The following ASZ1 variants were observed in gnomAD, a reference collection of about 807,000 sequenced individuals.
ASZ1 encodes the protein ankyrin repeat, SAM and basic leucine zipper domain-containing protein 1.
ASZ1 carries 67 observed loss-of-function variants against 61.8 expected under a neutral mutation model. The observed-to-expected ratio is 1.08, with a 90% confidence interval of 0.89 to 1.33. The LOEUF is 1.33. ASZ1 is among the 40% of genes most tolerant of loss of function. The probability of loss-of-function intolerance (pLI) is 0.00; values close to 1 mark genes in which losing one functional copy is unlikely to be tolerated. For synonymous variants in ASZ1, 193 were observed against 192.7 expected (o/e 1.00, Z -0.01); for missense variants, 577 against 554.5 (o/e 1.04, Z -0.41).
chr7:117,401,193 A>T (rs1796673583), intron 4 of ASZ1, among the ~76,000 whole-genome samples: 1 of 152,194 alleles, frequency 6.6e-6, no homozygotes, highest in South Asian at 2.1e-4. Flanking sequence ...GTTAAGAAAC[A>T]AATGGGATAT....
At chr7:117,406,502 C>T (rs1025284657) in intron 4 of ASZ1, among the ~76,000 whole-genome samples, 1 of 151,982 alleles carries the variant, frequency 6.6e-6, no homozygotes, top group Non-Finnish European at 1.5e-5. Flanking sequence ...TTCTATAATC[C>T]CAGCACTTTG....
At chr7:117,406,220 T>C (rs1262928494) in intron 4 of ASZ1, among the ~76,000 whole-genome samples, 1 of 152,056 alleles carries the variant, frequency 6.6e-6, no homozygotes, top group Non-Finnish European at 1.5e-5. Flanking sequence ...AAAATAACTT[T>C]CAAAAATGAA....
intron 12 of ASZ1, among the ~76,000 whole-genome samples, chr7:117,365,123 T>G (rs1466742654): frequency 6.6e-6 from 1 of 152,154 alleles, no homozygotes; most frequent in Non-Finnish European, 1.5e-5. Flanking sequence ...CAAATCTCAT[T>G]ATGATGATTA....
chr7:117,422,302 C>A lies in ASZ1; in HGVS notation c.263G>T (p.Ser88Ile), dbSNP rs774207077. 1 of 1,613,820 alleles carries A rather than the reference C, an allele frequency of 6.2e-7. No homozygotes were observed. The highest frequency in any genetic ancestry group is 1.1e-5 in the South Asian group (1 of 91,062). Residue 88 changes from serine to isoleucine, a missense_variant, in exon 3 of 13, where the codon AGT becomes ATT. Ser to Ile is a moderately radical substitution (Grantham distance 142). Coordinates refer to ENST00000284629, the MANE Select transcript of ASZ1 (RefSeq NM_130768.3). ...YGWTPLMYAA[S>I]VANAELVRVL... ...CCGAACCAGCTCTGCATTGGCAACA[C>A]TAGCAGCATACATAAGGGGAGTCCA...
At chr7:117,373,405 T>C (rs1280704430) in intron 10 of ASZ1, among the ~76,000 whole-genome samples, 1 of 152,144 alleles carries the variant, frequency 6.6e-6, no homozygotes, top group East Asian at 1.9e-4. Context: ...GCAAACATAC[T>C]AAGTCAGAAA....
intron 4 of ASZ1, among the ~76,000 whole-genome samples, chr7:117,411,014 A>G (rs1796880050): frequency 6.6e-6 from 1 of 151,706 alleles, no homozygotes; most frequent in Non-Finnish European, 1.5e-5. Flanking sequence ...TAGAAATAGT[A>G]ATTTCCTACC....
At position 117,363,387 on chromosome 7, in the gene ASZ1, C is replaced by G. The variant is rs970735692; in HGVS notation, c.*209G>C. The G allele has an allele frequency of 2.9e-6, 1 of 347,880 alleles. No homozygotes were observed. The highest frequency in any genetic ancestry group is 5.1e-6 in the Non-Finnish European group (1 of 197,766). The allele number at this position is 347,880 out of a possible 1,614,324, so 21.5% of individuals were successfully genotyped here. ...CAAAAAATTACTTATACTTTACTACCTAATCACAATTAACATAAACATAAC... is the reference window on the plus strand; with the variant it reads ...CAAAAAATTACTTATACTTTACTACGTAATCACAATTAACATAAACATAAC... On this transcript the variant is annotated 3_prime_UTR_variant, in exon 13 of 13. Coordinates refer to ENST00000284629, the MANE Select transcript of ASZ1 (RefSeq NM_130768.3).
At chr7:117,424,722 C>T (rs1266096753) in intron 2 of ASZ1, among the ~76,000 whole-genome samples, 1 of 152,174 alleles carries the variant, frequency 6.6e-6, no homozygotes, top group Non-Finnish European at 1.5e-5. Flanking sequence ...GCCTATTCCA[C>T]CCCATGCTAT....
At chr7:117,425,511 G>A (rs753708327) in intron 2 of ASZ1, among the ~76,000 whole-genome samples, 7 of 151,694 alleles carry the variant, frequency 4.6e-5, no homozygotes, top group African/African-American at 7.3e-5. Flanking sequence ...CTCGTGATCC[G>A]CCCGCCTTGG....
intron 4 of ASZ1, among the ~76,000 whole-genome samples, chr7:117,387,200 G>C (rs1796375104): frequency 6.7e-6 from 1 of 149,606 alleles, no homozygotes; most frequent in Non-Finnish European, 1.5e-5. Flanking sequence ...TGTAATCCCA[G>C]CTACTTCAGA....
chr7:117,395,718 T>A, intron 4 of ASZ1, among the ~76,000 whole-genome samples: 1 of 152,172 alleles, frequency 6.6e-6, no homozygotes, highest in East Asian at 1.9e-4. Flanking sequence ...TATTTTCGGT[T>A]TACCAAGTAT....
intron 10 of ASZ1, among the ~76,000 whole-genome samples, chr7:117,372,726 T>C (rs1235628356): frequency 6.6e-6 from 1 of 152,166 alleles, no homozygotes; most frequent in Non-Finnish European, 1.5e-5. Flanking sequence ...ATCTTACCAC[T>C]CACAGACAAC....
chr7:117,424,652 AT>A (rs1797162087), intron 2 of ASZ1, among the ~76,000 whole-genome samples: 2 of 152,214 alleles, frequency 1.3e-5, no homozygotes, highest in South Asian at 4.1e-4. Context: ...CCTCTATCAC[AT>A]TCACTGTACC....
Position 117,374,143 on chromosome 7 carries a change from GCTAT to G in ASZ1, c.1056-5430_1056-5427del, listed in dbSNP as rs561161561. On this transcript the variant is annotated intron_variant, in intron 10 of 12. Transcript: ENST00000284629. ...AATATGGGGAATATTTATAATTTAA[GCTAT>G]CTAATAAAGATTTTAAGAAATTAGG... is the stretch of plus-strand genomic sequence containing the variant. Among the ~76,000 whole-genome samples the G allele has an allele frequency of 3.9e-5, 6 of 152,124 alleles. No homozygotes were observed. In the South Asian group the frequency reaches 1.0e-3, roughly 26 times the overall value.
intron 4 of ASZ1, among the ~76,000 whole-genome samples, chr7:117,390,566 C>A (rs1796444623): frequency 6.6e-6 from 1 of 152,122 alleles, no homozygotes; most frequent in South Asian, 2.1e-4. Context: ...AATGGGATGG[C>A]TGGGTCAAAT....
At chr7:117,409,049 C>G (rs907966120) in intron 4 of ASZ1, among the ~76,000 whole-genome samples, 1 of 151,836 alleles carries the variant, frequency 6.6e-6, no homozygotes, top group African/African-American at 2.4e-5. Flanking sequence ...TATATACACA[C>G]GCACAGATGG....
At chr7:117,395,315 G>C (rs919673227) in intron 4 of ASZ1, among the ~76,000 whole-genome samples, 3 of 152,072 alleles carry the variant, frequency 2.0e-5, no homozygotes, top group Non-Finnish European at 4.4e-5. Flanking sequence ...TTAAGAGCTT[G>C]AATTCATAAG....
intron 2 of ASZ1, 147 bp downstream of exon 2, chr7:117,426,689 T>G: frequency 1.4e-6 from 1 of 710,480 alleles, no homozygotes; most frequent in South Asian, 2.3e-5. Flanking sequence ...TAAGGCAGAC[T>G]GGACTCAGTC....
chr7:117,380,749 T>C (rs1408571086), intron 9 of ASZ1, among the ~76,000 whole-genome samples: 1 of 151,116 alleles, frequency 6.6e-6, no homozygotes, highest in Non-Finnish European at 1.5e-5. Context: ...CATTTGAAAC[T>C]GAAGGATCAG....
Sources: gnomAD v4.1 joint callset for allele counts (sites outside exome capture counted in the v4.1 genomes callset) on GRCh38, gnomAD v4.1.1 for gene constraint, MANE v1.5 for transcripts, NCBI Gene and HGNC (gene_info 2026-07-23, HGNC 2026-07-21) for gene names.